The following ZNF727 variants were observed in gnomAD, a reference collection of about 807,000 sequenced individuals.
The protein encoded by ZNF727 is putative zinc finger protein 727.
In ZNF727, 11 loss-of-function variants were observed where a neutral mutation model predicts 11.5. The observed-to-expected ratio is 0.95, with a 90% CI of 0.60 to 1.58. ZNF727 has a LOEUF of 1.58. Among genes scored for constraint, ZNF727 ranks in the 40% most tolerant of loss-of-function variants. ZNF727 has a pLI of 0.00. For missense variants in ZNF727, 533 were observed against 581.7 expected, an observed-to-expected ratio of 0.92 and a Z score of 0.86; for synonymous variants, 171 against 196.1, an observed-to-expected ratio of 0.87 and a Z score of 1.07.
rs1219331939 is a variant in ZNF727 at position 64,067,122 on chromosome 7, A to G, written c.4-1769A>G. 1.0e-4 allele frequency among the ~76,000 whole-genome samples: 13 copies of G among 124,064 alleles called. No individual in the cohort carries two copies. In the Admixed American group the frequency reaches 1.1e-3, roughly 11 times the overall value. 81.4% of individuals were successfully genotyped at this position (124,064 alleles called of 152,430 possible). On this transcript the variant is annotated intron_variant, in intron 1 of 3. Transcript: ENST00000456806. ...AGTCACTTTTCAAAAGAAGACATTT[A>G]TGCAGCCAACAAACATGAAAAAAAA...
intron 1 of ZNF727, among the ~76,000 whole-genome samples, chr7:64,054,194 CAT>C (rs1471949979): frequency 6.6e-6 from 1 of 152,136 alleles, no homozygotes; most frequent in Non-Finnish European, 1.5e-5. Context: ...AATGCACACA[CAT>C]GTCTGAAAGC....
chr7:64,062,034 T>C (rs1789779542), intron 1 of ZNF727, among the ~76,000 whole-genome samples: 2 of 86,576 alleles, frequency 2.3e-5, no homozygotes, highest in Non-Finnish European at 6.0e-5. Flanking sequence ...CATTTTGTCG[T>C]TTCTATTTAT....
At chr7:64,061,853 A>G (rs370615486) in intron 1 of ZNF727, among the ~76,000 whole-genome samples, 1 of 125,280 alleles carries the variant, frequency 8.0e-6, no homozygotes, top group African/African-American at 2.8e-5. Flanking sequence ...GATTTTATGT[A>G]TGTGTGTCTA....
intron 3 of ZNF727, among the ~76,000 whole-genome samples, chr7:64,076,012 AT>A (rs1482992921): frequency 9.0e-6 from 1 of 111,244 alleles, no homozygotes; most frequent in East Asian, 2.5e-4. Flanking sequence ...TTTTTGGTTA[AT>A]TTTTTTGTTA....
In ZNF727 at chr7:64,078,473, C is replaced by A. The variant is rs376951484; in HGVS notation, c.1424C>A (p.Thr475Asn). The A allele has an allele frequency of 1.3e-5, 20 of 1,567,358 alleles. No individual in the cohort carries two copies. Among genetic ancestry groups the A allele is most frequent in the Non-Finnish European group, 1.7e-6 (2 of 1,156,050 alleles). ...CTTATTAAACACAAGAGAAGTCATA[C>A]TGGAGACAGACCTACAAGTGCAAAG... is the stretch of plus-strand genomic sequence containing the variant. The part of the protein sequence containing the change: ...SSLIKHKRSH[T>N]GDRPTSAKNV... The change falls in exon 4 of 4, where the codon ACT becomes AAT. Residue 475 changes from threonine to asparagine, a missense_variant. This residue lies in a region of ZNF727 where 54 missense variants were observed against 48.6 expected (regional missense o/e 1.11). Coordinates refer to ENST00000456806, the MANE Select transcript of ZNF727 (RefSeq NM_001159522.3).
rs1785696973 is a variant in ZNF727, at chr7:64,077,596, A to G, written c.547A>G (p.Arg183Gly). The G allele has an allele frequency of 6.4e-7, 1 of 1,551,574 alleles. No individual in the cohort carries two copies. The highest frequency in any genetic ancestry group is 8.7e-7 in the Non-Finnish European group (1 of 1,146,884). Residue 183 changes from arginine to glycine, a missense_variant, in exon 4 of 4, where the codon AGG becomes GGG. By Grantham distance (125) the Arg-to-Gly change is moderately radical (BLOSUM62 -2). Coordinates refer to ENST00000456806, the MANE Select transcript of ZNF727 (RefSeq NM_001159522.3). ...ATGTGAAGAATGTGGCAAAGACTGT[A>G]GGTTGTCAGATTTTACCATACAGAA... Reference protein sequence around the residue: ...YKCEECGKDCRLSDFTIQKRI... With the variant: ...YKCEECGKDCGLSDFTIQKRI...
At chr7:64,066,793 T>C (rs777750516) in intron 1 of ZNF727, among the ~76,000 whole-genome samples, 35 of 152,188 alleles carry the variant, frequency 2.3e-4, no homozygotes, top group South Asian at 4.1e-4. Context: ...AAAGCCAAAA[T>C]TGACAAATGC....
chr7:64,047,683 C>T lies in ZNF727; in HGVS notation c.3+2059C>T, dbSNP rs554070432. 1.2e-4 allele frequency among the ~76,000 whole-genome samples: 18 copies of T among 152,156 alleles called. No homozygotes were observed. In the South Asian group the frequency reaches 3.3e-3, roughly 28 times the overall value. ...GCCTCTCAGGGGAGCAGCTGGATGC[C>T]CTCGTGCTGAGAGCAGTTTCCTGAT... On this transcript the variant is annotated intron_variant, in intron 1 of 3. Coordinates refer to ENST00000456806, the MANE Select transcript of ZNF727 (RefSeq NM_001159522.3).
At chr7:64,070,841 T>C (rs1480954151) in intron 3 of ZNF727, among the ~76,000 whole-genome samples, 1 of 152,108 alleles carries the variant, frequency 6.6e-6, no homozygotes, top group East Asian at 1.9e-4. Context: ...CCAACCTTAT[T>C]ATATTCTCCA....
At chr7:64,065,349 A>T (rs901763537) in intron 1 of ZNF727, among the ~76,000 whole-genome samples, 1 of 152,106 alleles carries the variant, frequency 6.6e-6, no homozygotes, top group Admixed American at 6.6e-5. Flanking sequence ...GTGGCAGAGA[A>T]GGGCAACTGA....
rs2116337406 is a variant in ZNF727, at chr7:64,080,746, G to A, written c.*2197G>A. ...CACTGATTTTGTCTCATCTTTGTGG[G>A]CGTATCTTTAAAGTTGCTGAACTTT... On this transcript the variant is annotated 3_prime_UTR_variant, in exon 4 of 4. Coordinates refer to ENST00000456806, the MANE Select transcript of ZNF727 (RefSeq NM_001159522.3). Among the ~76,000 whole-genome samples, 1 of 152,130 alleles carries A rather than the reference G, an allele frequency of 6.6e-6. No homozygotes were observed. Among genetic ancestry groups the A allele is most frequent in the African/African-American group, 2.4e-5 (1 of 41,490 alleles).
chr7:64,076,420 G>A (rs966866254), intron 3 of ZNF727, among the ~76,000 whole-genome samples: 1 of 152,078 alleles, frequency 6.6e-6, no homozygotes, highest in African/African-American at 2.4e-5. Context: ...AGATTAGCCT[G>A]GCCAACACGG....
chr7:64,056,117 A>G (rs1789682610), intron 1 of ZNF727, among the ~76,000 whole-genome samples: 1 of 152,186 alleles, frequency 6.6e-6, no homozygotes, highest in Non-Finnish European at 1.5e-5. Context: ...TCAATATGAT[A>G]GAGCATTGAT....
In ZNF727 at chr7:64,084,650, C is replaced by A. The variant is rs2116345752; in HGVS notation, c.*6101C>A. 6.6e-6 allele frequency among the ~76,000 whole-genome samples: 1 copy of A among 152,234 alleles called. No homozygotes were observed. Among genetic ancestry groups the A allele is most frequent in the African/African-American group, 2.4e-5 (1 of 41,554 alleles). On this transcript the variant is annotated 3_prime_UTR_variant, in exon 4 of 4. Transcript: ENST00000456806. The stretch of plus-strand genomic sequence containing the variant: ...TAATGGAGCTATATGTTTCTGAATT[C>A]TGAACAACTATTTACAAAATTTTAT...
At position 64,084,441 on chromosome 7, in the gene ZNF727, C is replaced by T. The variant is rs1331869955; in HGVS notation, c.*5892C>T. On this transcript the variant is annotated 3_prime_UTR_variant, in exon 4 of 4. Transcript: ENST00000456806. The stretch of plus-strand genomic sequence containing the variant: ...TGATGTTAACTTATCCCATCTTACC[C>T]AAGGTTGTAGGTCAACAGATGGTAA... Among the ~76,000 whole-genome samples, 2 of 152,084 alleles carry T rather than the reference C, an allele frequency of 1.3e-5. No homozygotes were observed. The highest frequency in any genetic ancestry group is 3.9e-4 in the East Asian group (2 of 5,190).
rs1211196304 is a variant in ZNF727, at chr7:64,059,097, A to G, written c.4-9794A>G. Among the ~76,000 whole-genome samples the G allele has an allele frequency of 3.9e-5, 6 of 152,020 alleles. No individual in the cohort carries two copies. In the East Asian group the frequency reaches 1.2e-3, roughly 29 times the overall value. On this transcript the variant is annotated intron_variant, in intron 1 of 3. Transcript: ENST00000456806. ...GTAGCTGGGATTACATGTGCATGCC[A>G]CCACACCCTGCTAATTTTTGTATTT...
rs1379894022 is a variant in ZNF727, at chr7:64,081,304, A to T, written c.*2755A>T. Among the ~76,000 whole-genome samples, 1 of 151,922 alleles carries T rather than the reference A, an allele frequency of 6.6e-6. No individual in the cohort carries two copies. The highest frequency in any genetic ancestry group is 1.5e-5 in the Non-Finnish European group (1 of 67,986). On this transcript the variant is annotated 3_prime_UTR_variant, in exon 4 of 4. Transcript: ENST00000456806. ...GAATGATTGTTCAGAGTGTGGGAGG[A>T]TACCCTGTTCTCCGCACAGTTTTAC...
Position 64,081,630 on chromosome 7 carries a change from G to T in ZNF727, c.*3081G>T, listed in dbSNP as rs111317215. Among the ~76,000 whole-genome samples the T allele has an allele frequency of 1.3e-5, 2 of 152,112 alleles. No homozygotes were observed. The highest frequency in any genetic ancestry group is 2.9e-5 in the Non-Finnish European group (2 of 68,002). On this transcript the variant is annotated 3_prime_UTR_variant, in exon 4 of 4. Transcript: ENST00000456806. ...CAGATGCTATGGTATGGGCTCCTAGGGTACCTGAGACTGCCCTGTAAGCAG... is the reference window on the plus strand; with the variant it reads ...CAGATGCTATGGTATGGGCTCCTAGTGTACCTGAGACTGCCCTGTAAGCAG...
At chr7:64,064,889 G>A (rs977380440) in intron 1 of ZNF727, among the ~76,000 whole-genome samples, 7 of 152,156 alleles carry the variant, frequency 4.6e-5, no homozygotes, top group African/African-American at 1.7e-4. Context: ...TAAGCCCATG[G>A]ATTTTCTGCC....
Sources: gnomAD v4.1 joint callset for allele counts (sites outside exome capture counted in the v4.1 genomes callset) on GRCh38, gnomAD v4.1.1 for gene constraint, gnomAD v4.1.1 regional missense constraint, MANE v1.5 for transcripts, NCBI Gene and HGNC (gene_info 2026-07-23, HGNC 2026-07-21) for gene names.